The following OLFM3 variants were observed in gnomAD, a reference collection of about 807,000 sequenced individuals.
OLFM3 encodes olfactomedin 3.
Under a neutral mutation model 48.6 loss-of-function variants are expected in OLFM3, and 20 were observed. The observed-to-expected ratio is 0.41, with a 90% confidence interval of 0.29 to 0.60. OLFM3 has a LOEUF of 0.60. OLFM3 is among the 20% of genes least tolerant of loss of function. OLFM3 has a pLI of 0.28. For synonymous variants in OLFM3, 222 were observed against 198.1 expected, an observed-to-expected ratio of 1.12 and a Z score of -1.01; for missense variants, 437 against 544.3, an observed-to-expected ratio of 0.80 and a Z score of 1.96.
At chr1:101,851,283 T>A (rs1656212627) in intron 1 of OLFM3, among the ~76,000 whole-genome samples, 1 of 152,144 alleles carries the variant, frequency 6.6e-6, no homozygotes, top group Non-Finnish European at 1.5e-5. Flanking sequence ...AGTCTCCATT[T>A]TATTATCTGT....
At chr1:101,957,982 C>T (rs1182225339) in intron 1 of OLFM3, among the ~76,000 whole-genome samples, 1 of 152,146 alleles carries the variant, frequency 6.6e-6, no homozygotes, top group African/African-American at 2.4e-5. Context: ...GGTGCAGCAA[C>T]TGTGGATTGT....
intron 1 of OLFM3, among the ~76,000 whole-genome samples, chr1:101,950,295 C>T (rs1039392364): frequency 6.6e-6 from 1 of 152,158 alleles, no homozygotes; most frequent in Admixed American, 6.5e-5. Context: ...CATTTCTGCT[C>T]AAATGTCATT....
At position 101,918,078 on chromosome 1, in the gene OLFM3, T is replaced by C. The variant is rs141610465; in HGVS notation, c.69+78670A>G. Among the ~76,000 whole-genome samples the C allele has an allele frequency of 5.8e-3, 891 of 152,314 alleles. 7 individuals are homozygous for C. The highest frequency in any genetic ancestry group is 0.021 in the African/African-American group (875 of 41,556). Reference sequence around the variant, plus strand: ...TACTGTTCTGGTTTTGACATAATACTTCAATACTAATTAAGTCGTCCAAAG... The same window carrying C: ...TACTGTTCTGGTTTTGACATAATACCTCAATACTAATTAAGTCGTCCAAAG... On this transcript the variant is annotated intron_variant, in intron 1 of 5. Transcript: ENST00000370103.
At chr1:101,811,429 C>T (rs1203917559) in intron 4 of OLFM3, among the ~76,000 whole-genome samples, 2 of 151,932 alleles carry the variant, frequency 1.3e-5, no homozygotes. Flanking sequence ...AAAATTTTTG[C>T]AATCTACTCA....
At chr1:101,872,208 A>G (rs947892322) in intron 1 of OLFM3, among the ~76,000 whole-genome samples, 14 of 152,086 alleles carry the variant, frequency 9.2e-5, no homozygotes, top group African/African-American at 2.9e-4. Context: ...ATGTGCATCA[A>G]CATATTGGCA....
At chr1:101,864,477 G>A (rs1656780774) in intron 1 of OLFM3, among the ~76,000 whole-genome samples, 1 of 152,132 alleles carries the variant, frequency 6.6e-6, no homozygotes, top group Admixed American at 6.5e-5. Flanking sequence ...AGTATTTACT[G>A]AAGTATTTTT....
chr1:101,897,636 T>C (rs1000802527), intron 1 of OLFM3, among the ~76,000 whole-genome samples: 3 of 152,170 alleles, frequency 2.0e-5, no homozygotes, highest in African/African-American at 7.2e-5. Flanking sequence ...CCATACATTA[T>C]GAAACATGGC....
rs190069059 is a variant in OLFM3 at position 101,865,532 on chromosome 1, C to T, written c.70-28507G>A. On this transcript the variant is annotated intron_variant, in intron 1 of 5. Coordinates refer to ENST00000370103, the MANE Select transcript of OLFM3 (RefSeq NM_058170.4). ...TCTCCAAGTATGTGACATTACTCCACATGTGGGAGGATATTGGAATAGAAA... is the reference window on the plus strand; with the variant it reads ...TCTCCAAGTATGTGACATTACTCCATATGTGGGAGGATATTGGAATAGAAA... Among the ~76,000 whole-genome samples, 5 of 152,270 alleles carry T rather than the reference C, an allele frequency of 3.3e-5. No individual in the cohort carries two copies. The East Asian group carries it at 7.7e-4, about 24-fold the overall frequency.
chr1:101,886,067 T>A (rs2100997754), intron 1 of OLFM3, among the ~76,000 whole-genome samples: 1 of 152,224 alleles, frequency 6.6e-6, no homozygotes, highest in Non-Finnish European at 1.5e-5. Context: ...TTTTTGAGTA[T>A]TCAAGCTTGA....
At chr1:101,867,162 G>A (rs1303604318) in intron 1 of OLFM3, among the ~76,000 whole-genome samples, 1 of 152,142 alleles carries the variant, frequency 6.6e-6, no homozygotes, top group Admixed American at 6.5e-5. Flanking sequence ...AGTAATTGGT[G>A]TGGCCAAGGA....
intron 3 of OLFM3, among the ~76,000 whole-genome samples, chr1:101,829,692 A>C (rs895222078): frequency 1.3e-5 from 2 of 152,246 alleles, no homozygotes; most frequent in Non-Finnish European, 2.9e-5. Flanking sequence ...TCAGCAGTGA[A>C]TCTCACTTCC....
At chr1:101,925,876 C>G (rs918022125) in intron 1 of OLFM3, among the ~76,000 whole-genome samples, 1 of 152,088 alleles carries the variant, frequency 6.6e-6, no homozygotes, top group African/African-American at 2.4e-5. Context: ...AGGACGTTGA[C>G]ATACCTTATT....
chr1:101,926,465 G>C (rs1659274163), intron 1 of OLFM3, among the ~76,000 whole-genome samples: 1 of 152,196 alleles, frequency 6.6e-6, no homozygotes, highest in African/African-American at 2.4e-5. Context: ...GGTGGAGCAA[G>C]AAGAACCCTG....
chr1:101,849,317 AG>A (rs1220105602), intron 1 of OLFM3, among the ~76,000 whole-genome samples: 2 of 152,204 alleles, frequency 1.3e-5, no homozygotes, highest in Non-Finnish European at 2.9e-5. Context: ...AGTGGGAGAA[AG>A]GATTAGTCTA....
At chr1:101,911,541 T>C (rs1023664965) in intron 1 of OLFM3, among the ~76,000 whole-genome samples, 1 of 152,114 alleles carries the variant, frequency 6.6e-6, no homozygotes, top group African/African-American at 2.4e-5. Flanking sequence ...TAAGTGAAAT[T>C]AACATACTCT....
At chr1:101,820,015 A>T (rs1654533642) in intron 4 of OLFM3, among the ~76,000 whole-genome samples, 1 of 152,126 alleles carries the variant, frequency 6.6e-6, no homozygotes, top group Non-Finnish European at 1.5e-5. Flanking sequence ...TAACCTTGAC[A>T]GGAAGAGGAA....
chr1:101,915,549 A>G (rs770281073), intron 1 of OLFM3, among the ~76,000 whole-genome samples: 49 of 152,204 alleles, frequency 3.2e-4, no homozygotes, highest in Non-Finnish European at 7.1e-4. Context: ...TGATACAGCT[A>G]AAATACAATA....
intron 4 of OLFM3, among the ~76,000 whole-genome samples, chr1:101,821,592 C>T (rs986420728): frequency 6.6e-6 from 1 of 151,876 alleles, no homozygotes; most frequent in Non-Finnish European, 1.5e-5. Flanking sequence ...GGTTAATTGA[C>T]CTAAACATGT....
At chr1:101,939,468 A>C (rs1413942290) in intron 1 of OLFM3, among the ~76,000 whole-genome samples, 1 of 152,136 alleles carries the variant, frequency 6.6e-6, no homozygotes, top group Admixed American at 6.5e-5. Context: ...ACAATAGTAG[A>C]TATAAAAATC....
Sources: allele counts gnomAD v4.1 joint callset (sites outside exome capture counted in the v4.1 genomes callset), GRCh38; gene constraint gnomAD v4.1.1; transcripts MANE v1.5; gene names NCBI Gene and HGNC (gene_info 2026-07-23, HGNC 2026-07-21).